CNTN3: variants seen among roughly 807,000 people sequenced by gnomAD.
CNTN3 encodes contactin-3.
A neutral mutation model predicts 119.1 loss-of-function variants in CNTN3; 60 were observed. That is an observed-to-expected ratio of 0.50 (90% CI 0.41 to 0.62). The LOEUF (loss-of-function observed/expected upper bound fraction) is 0.62. Among genes scored for constraint, CNTN3 ranks in the 20% least tolerant of loss-of-function variants. The pLI is 0.00. For synonymous variants in CNTN3, 450 were observed against 438.7 expected (o/e 1.03, Z -0.32); for missense variants, 1,101 against 1,242.4 (o/e 0.89, Z 1.71).
intron 2 of CNTN3, among the ~76,000 whole-genome samples, chr3:74,515,774 T>A (rs953481935): frequency 3.3e-5 from 5 of 152,054 alleles, no homozygotes; most frequent in African/African-American, 1.2e-4. Context: ...AGCAGCTCTA[T>A]CTGAAAGAAA....
intron 5 of CNTN3, among the ~76,000 whole-genome samples, chr3:74,420,087 G>A (rs1225593891): frequency 6.6e-6 from 1 of 152,180 alleles, no homozygotes; most frequent in Non-Finnish European, 1.5e-5. Flanking sequence ...TCATAGAGGT[G>A]CTGGATTGCT....
At chr3:74,584,333 G>T (rs1305812051) in intron 1 of CNTN3, among the ~76,000 whole-genome samples, 2 of 152,076 alleles carry the variant, frequency 1.3e-5, no homozygotes, top group African/African-American at 4.8e-5. Flanking sequence ...ATATACTTTT[G>T]ATATTTGTCC....
chr3:74,267,457 T>C lies in CNTN3; in HGVS notation c.2705-79A>G, dbSNP rs545954954. The C allele has an allele frequency of 1.2e-4, 114 of 975,748 alleles. No individual in the cohort carries two copies. The African/African-American group carries it at 1.4e-3, about 12-fold the overall frequency. The allele number at this position is 975,748 out of a possible 1,614,324, so 60.4% of individuals were successfully genotyped here. On this transcript the variant is annotated intron_variant, in intron 20 of 22. Coordinates refer to ENST00000263665, the MANE Select transcript of CNTN3 (RefSeq NM_020872.3). ...TACACGGAGGAGATGGCGGCTATCA[T>C]AGGAAGCTAGTGGAAGTAGAACGGG...
intron 1 of CNTN3, among the ~76,000 whole-genome samples, chr3:74,588,611 C>A (rs1050808634): frequency 4.1e-4 from 62 of 151,686 alleles, no homozygotes; most frequent in African/African-American, 1.4e-3. Context: ...ACTACTTTAA[C>A]GTTCCTATGG....
intron 5 of CNTN3, among the ~76,000 whole-genome samples, chr3:74,390,000 A>T (rs920893752): frequency 6.6e-6 from 1 of 152,150 alleles, no homozygotes; most frequent in Non-Finnish European, 1.5e-5. Context: ...GACAACACTA[A>T]ACCTTTGCCT....
intron 1 of CNTN3, among the ~76,000 whole-genome samples, chr3:74,536,038 ACT>A (rs1484726067): frequency 1.3e-5 from 2 of 152,074 alleles, no homozygotes; most frequent in Admixed American, 1.3e-4. Context: ...AAAATTTCTT[ACT>A]CTTTTTACTG....
chr3:74,585,305 G>A (rs769002678), intron 1 of CNTN3, among the ~76,000 whole-genome samples: 6 of 152,056 alleles, frequency 3.9e-5, no homozygotes, highest in South Asian at 2.1e-4. Flanking sequence ...ATTTACATAC[G>A]ATCGAAACAA....
At chr3:74,437,882 T>C (rs1463508681) in intron 4 of CNTN3, among the ~76,000 whole-genome samples, 2 of 152,174 alleles carry the variant, frequency 1.3e-5, no homozygotes, top group African/African-American at 4.8e-5. Flanking sequence ...TTAAAAGGAT[T>C]TCAATGGGGC....
At chr3:74,505,514 CA>C (rs1703241025) in intron 2 of CNTN3, among the ~76,000 whole-genome samples, 1 of 149,484 alleles carries the variant, frequency 6.7e-6, no homozygotes, top group Admixed American at 6.9e-5. Context: ...CACACACACA[CA>C]CACACACACC....
intron 1 of CNTN3, among the ~76,000 whole-genome samples, chr3:74,533,403 A>T (rs4677410): frequency 6.6e-6 from 1 of 151,956 alleles, no homozygotes; most frequent in Admixed American, 6.6e-5. Context: ...TCAGAGGATC[A>T]CTTCACTCCC....
At chr3:74,585,128 C>T (rs954696614) in intron 1 of CNTN3, among the ~76,000 whole-genome samples, 5 of 152,064 alleles carry the variant, frequency 3.3e-5, no homozygotes, top group South Asian at 2.1e-4. Flanking sequence ...GGCATATCTA[C>T]GTTTAATAAA....
intron 1 of CNTN3, among the ~76,000 whole-genome samples, chr3:74,563,400 AC>A (rs1704181885): frequency 6.6e-6 from 1 of 152,192 alleles, no homozygotes. Flanking sequence ...GGTAGGATCC[AC>A]AAATGCAAAC....
chr3:74,350,694 GATA>G (rs1450204794), intron 11 of CNTN3, among the ~76,000 whole-genome samples: 1 of 151,966 alleles, frequency 6.6e-6, no homozygotes, highest in Non-Finnish European at 1.5e-5. Context: ...CAGTGTATTG[GATA>G]AAGAAAATAT....
rs142705633 is a variant in CNTN3, at chr3:74,305,807, T to C, written c.1669-3000A>G. On this transcript the variant is annotated intron_variant, in intron 13 of 22. Coordinates refer to ENST00000263665, the MANE Select transcript of CNTN3 (RefSeq NM_020872.3). ...CTTGAATGTGCTCATTTTGTGAAAATGAATTGGGCTATCCTCTTATGACTT... is the reference window on the plus strand; with the variant it reads ...CTTGAATGTGCTCATTTTGTGAAAACGAATTGGGCTATCCTCTTATGACTT... Among the ~76,000 whole-genome samples, 303 of 151,328 alleles carry C rather than the reference T, an allele frequency of 2.0e-3. 1 individual carries two copies. The highest frequency in any genetic ancestry group is 6.8e-3 in the Middle Eastern group (2 of 294).
chr3:74,415,487 C>A (rs1379850289), intron 5 of CNTN3, among the ~76,000 whole-genome samples: 1 of 152,104 alleles, frequency 6.6e-6, no homozygotes, highest in African/African-American at 2.4e-5. Flanking sequence ...GCTTCTGTTT[C>A]TTTATTTTTA....
chr3:74,481,360 G>A (rs1702760626), intron 4 of CNTN3, among the ~76,000 whole-genome samples: 1 of 151,642 alleles, frequency 6.6e-6, no homozygotes, highest in African/African-American at 2.4e-5. Flanking sequence ...TTGGGCCACA[G>A]GAAAAATATC....
chr3:74,285,202 T>G, intron 20 of CNTN3, 103 bp downstream of exon 20: 21 of 1,228,804 alleles, frequency 1.7e-5, no homozygotes, highest in Non-Finnish European at 2.0e-5. Flanking sequence ...TATAATCTAG[T>G]GAGATTAATG....
intron 5 of CNTN3, among the ~76,000 whole-genome samples, chr3:74,417,204 C>A (rs1417777517): frequency 3.3e-5 from 5 of 152,084 alleles, no homozygotes; most frequent in Non-Finnish European, 5.9e-5. Flanking sequence ...TAGTCACTAG[C>A]AAACTCATCA....
At chr3:74,289,973 G>A (rs1010593097) in intron 19 of CNTN3, among the ~76,000 whole-genome samples, 9 of 152,052 alleles carry the variant, frequency 5.9e-5, no homozygotes, top group Non-Finnish European at 8.8e-5. Context: ...GGTTCTATGA[G>A]GATTTTTAAA....
Sources: gnomAD v4.1 joint callset for allele counts (sites outside exome capture counted in the v4.1 genomes callset) on GRCh38, gnomAD v4.1.1 for gene constraint, MANE v1.5 for transcripts, NCBI Gene and HGNC (gene_info 2026-07-23, HGNC 2026-07-21) for gene names.